The following ZNF654 variants were observed in gnomAD, a reference collection of about 807,000 sequenced individuals.
The protein encoded by ZNF654 is melanoma-associated antigen.
In ZNF654, 19 loss-of-function variants were observed where a neutral mutation model predicts 95.3. The ratio of observed to expected loss-of-function variants is 0.20; its 90% CI spans 0.14 to 0.29. The LOEUF is 0.29. Ranked by LOEUF, ZNF654 falls within the 10% of genes least tolerant of loss-of-function variation. The pLI is 1.00. For synonymous variants in ZNF654, 413 were observed against 457.9 expected (o/e 0.90, Z 1.25); for missense variants, 1,046 against 1,341.0 (o/e 0.78, Z 3.44).
rs779489648 is a variant in ZNF654, at chr3:88,139,723, C to G, written c.2054C>G (p.Ser685Cys). ...ATTGAAAATGGCAGTCCTAATAATT[C>G]TTTAAATAATGTTTTCAAGCCTTTA... is the stretch of plus-strand genomic sequence containing the variant. The part of the protein sequence containing the change: ...NVIENGSPNN[S>C]LNNVFKPLTE... Residue 685 changes from serine to cysteine, a missense_variant, in exon 8 of 9, where the codon TCT becomes TGT. This residue lies in a region of ZNF654 where 495 missense variants were observed against 537.0 expected (regional missense o/e 0.92). Coordinates refer to ENST00000636215, the MANE Select transcript of ZNF654 (RefSeq NM_001350134.2). The G allele has an allele frequency of 2.6e-6, 4 of 1,561,848 alleles. No homozygotes were observed. Among genetic ancestry groups the G allele is most frequent in the East Asian group, 4.8e-5 (2 of 42,032 alleles).
chr3:88,130,444 T>G (rs896477178), intron 6 of ZNF654, among the ~76,000 whole-genome samples: 2 of 152,000 alleles, frequency 1.3e-5, no homozygotes, highest in Non-Finnish European at 2.9e-5. Flanking sequence ...TTCTTGGTTA[T>G]TTTTTGTTTT....
chr3:88,097,463 A>G (rs2107701974), intron 2 of ZNF654, among the ~76,000 whole-genome samples: 1 of 152,244 alleles, frequency 6.6e-6, no homozygotes, highest in East Asian at 1.9e-4. Flanking sequence ...ACTTGAACTC[A>G]GCTCTGCACC....
chr3:88,123,011 C>CAA (rs1289535548), intron 3 of ZNF654, among the ~76,000 whole-genome samples: 78 of 76,118 alleles, frequency 1.0e-3, no homozygotes, highest in African/African-American at 3.1e-3. Flanking sequence ...CTCTGAGTCT[C>CAA]AAAAAAAAAA....
intron 2 of ZNF654, among the ~76,000 whole-genome samples, chr3:88,109,379 A>G (rs1207430469): frequency 2.0e-5 from 3 of 152,114 alleles, no homozygotes; most frequent in Admixed American, 2.0e-4. Flanking sequence ...AGTTCTTAAA[A>G]GTTGAGTGTT....
rs149384889 is a variant in ZNF654 at position 88,081,427 on chromosome 3, G to A, written c.187-4830G>A. On this transcript the variant is annotated intron_variant, in intron 1 of 8. Transcript: ENST00000636215. ...CAAATTTTCACTCACTATTAGCATC[G>A]ATGCATGGATGTTGTCTGCAACATT... 4.1e-4 allele frequency among the ~76,000 whole-genome samples: 62 copies of A among 152,140 alleles called. No homozygotes were observed. The East Asian group carries it at 0.011, about 26-fold the overall frequency.
chr3:88,128,630 C>A (rs7621357), intron 4 of ZNF654, among the ~76,000 whole-genome samples, 179 bp from the exon 5 acceptor site: 142,915 of 152,126 alleles, frequency 0.94, 67,671 homozygotes, highest in Non-Finnish European at 1. Context: ...TGTCACTCTT[C>A]TTTTCCTTTT....
At chr3:88,114,834 C>G (rs530026642) in intron 3 of ZNF654, among the ~76,000 whole-genome samples, 1 of 152,278 alleles carries the variant, frequency 6.6e-6, no homozygotes, top group South Asian at 2.1e-4. Context: ...CTCCCTAAAA[C>G]CTTGTATTTT....
At position 88,102,976 on chromosome 3, in the gene ZNF654, C is replaced by T. The variant is rs1206143602; in HGVS notation, c.333-10139C>T. Reference sequence around the variant, plus strand: ...CTAACCACTAGATAGTTTTTAAATCCTACCCTCTGCCCCACTAGTAGTCTC... The same window carrying T: ...CTAACCACTAGATAGTTTTTAAATCTTACCCTCTGCCCCACTAGTAGTCTC... On this transcript the variant is annotated intron_variant, in intron 2 of 8. Transcript: ENST00000636215. Among the ~76,000 whole-genome samples, 3 of 151,992 alleles carry T rather than the reference C, an allele frequency of 2.0e-5. 1 individual carries two copies. Among genetic ancestry groups the T allele is most frequent in the East Asian group, 3.9e-4 (2 of 5,184 alleles).
chr3:88,099,745 T>C (rs1389504247), intron 2 of ZNF654, among the ~76,000 whole-genome samples: 1 of 152,172 alleles, frequency 6.6e-6, no homozygotes, highest in Non-Finnish European at 1.5e-5. Context: ...ATTTAATAAA[T>C]GGTGCCAGGA....
Position 88,128,868 on chromosome 3 carries a change from A to G in ZNF654, c.610A>G (p.Ile204Val), listed in dbSNP as rs1246925251. 6.5e-7 allele frequency: 1 copy of G among 1,535,530 alleles called. No individual in the cohort carries two copies. The highest frequency in any genetic ancestry group is 1.4e-5 in the African/African-American group (1 of 73,006). Residue 204 changes from isoleucine (I) to valine (V), a missense_variant, in exon 5 of 9, where the codon ATT (isoleucine) becomes GTT (valine). Around this residue, in one of 9 missense-constraint regions of ZNF654, gnomAD observed 91 missense variants for 190.5 expected, o/e 0.48. Coordinates refer to ENST00000636215, the MANE Select transcript of ZNF654 (RefSeq NM_001350134.2). ...LFFELRARYL[I>V]ACERIPEAMA... Reference sequence around the variant, plus strand: ...CTTTGAACTACGTGCCAGATACCTAATTGCTTGTGAACGCATACCCGAAGC... The same window carrying G: ...CTTTGAACTACGTGCCAGATACCTAGTTGCTTGTGAACGCATACCCGAAGC...
chr3:88,063,060 G>C (rs1706977628), intron 1 of ZNF654, among the ~76,000 whole-genome samples: 1 of 152,134 alleles, frequency 6.6e-6, no homozygotes, highest in Non-Finnish European at 1.5e-5. Flanking sequence ...ACTGTGGCGG[G>C]GTTCTCAGAG....
intron 2 of ZNF654, among the ~76,000 whole-genome samples, chr3:88,102,972 A>G (rs1704519287): frequency 6.6e-6 from 1 of 151,934 alleles, no homozygotes; most frequent in African/African-American, 2.4e-5. Flanking sequence ...ATAGTTTTTA[A>G]ATCCTACCCT....
At chr3:88,088,014 A>G (rs1708427558) in intron 2 of ZNF654, among the ~76,000 whole-genome samples, 1 of 152,232 alleles carries the variant, frequency 6.6e-6, no homozygotes, top group South Asian at 2.1e-4. Context: ...ATAAATACAA[A>G]TACTACAAAA....
chr3:88,139,985 A>C lies in ZNF654; in HGVS notation c.2316A>C (p.Pro772=), dbSNP rs1707020788. 1 of 1,613,804 alleles carries C rather than the reference A, an allele frequency of 6.2e-7. No homozygotes were observed. Among genetic ancestry groups the C allele is most frequent in the East Asian group, 2.2e-5 (1 of 44,874 alleles). The change falls in exon 8 of 9, where the codon CCA becomes CCC. Residue 772 remains proline, a synonymous_variant. Transcript: ENST00000636215. ...ATAAACATGCAATGACCGTACATCC[A>C]ACCGATTTAAATGTGCGACAAACAG... ...FLNKHAMTVH[P]TDLNVRQTVM... is the part of the protein sequence containing the mutation.
intron 1 of ZNF654, among the ~76,000 whole-genome samples, chr3:88,077,810 G>C (rs184653318): frequency 2.5e-3 from 388 of 152,220 alleles, no homozygotes; most frequent in African/African-American, 9.1e-3. Flanking sequence ...GTTATTTACT[G>C]TGTGTTTAAT....
In ZNF654 at chr3:88,129,721, A is replaced by G. The variant is rs755012348; in HGVS notation, c.788A>G (p.Asp263Gly). 151 of 1,519,516 alleles carry G rather than the reference A, an allele frequency of 9.9e-5. No homozygotes were observed. The highest frequency in any genetic ancestry group is 1.2e-4 in the Non-Finnish European group (136 of 1,136,434). The allele number at this position is 1,519,516 out of a possible 1,614,324, so 94.1% of individuals were successfully genotyped here. Residue 263 changes from aspartate to glycine, a missense_variant, in exon 6 of 9, where the codon GAT becomes GGT. Transcript: ENST00000636215. The stretch of plus-strand genomic sequence containing the variant: ...AAAACTGATTGTAAGAGTGGAATTG[A>G]TATCATCTGTAATGCTGAAAAAGAA... The part of the protein sequence containing the change: ...LLKTDCKSGI[D>G]IICNAEKEGK...
At position 88,059,311 on chromosome 3, in the gene ZNF654, G is replaced by T. The variant is rs1432164961; in HGVS notation, c.-9G>T. The T allele has an allele frequency of 3.3e-6, 5 of 1,533,210 alleles. No individual in the cohort carries two copies. Among genetic ancestry groups the T allele is most frequent in the South Asian group, 1.2e-5 (1 of 83,924 alleles). The allele number at this position is 1,533,210 out of a possible 1,614,324, so 95.0% of individuals were successfully genotyped here. Reference sequence around the variant, plus strand: ...CAGGGGCTGGTACGCGCTGGGCGGCGAGAGCCTCATGGCGGAGGAAGAGAG... The same window carrying T: ...CAGGGGCTGGTACGCGCTGGGCGGCTAGAGCCTCATGGCGGAGGAAGAGAG... On this transcript the variant is annotated 5_prime_UTR_variant, in exon 1 of 9. Coordinates refer to ENST00000636215, the MANE Select transcript of ZNF654 (RefSeq NM_001350134.2).
In ZNF654 at chr3:88,059,599, A is replaced by G. The variant is rs962145109; in HGVS notation, c.186+94A>G. Reference sequence around the variant, plus strand: ...TCGTCCATGAATCTGGTCTATGTCCAGTGCCCGCTCCTCCCCAACAAGGAG... The same window carrying G: ...TCGTCCATGAATCTGGTCTATGTCCGGTGCCCGCTCCTCCCCAACAAGGAG... On this transcript the variant is annotated intron_variant, in intron 1 of 8. Transcript: ENST00000636215. The G allele has an allele frequency of 6.4e-6, 9 of 1,412,860 alleles. No homozygotes were observed. In the African/African-American group the frequency reaches 1.2e-4, roughly 19 times the overall value. 87.5% of individuals were successfully genotyped at this position (1,412,860 alleles called of 1,614,324 possible).
chr3:88,059,534 G>T, intron 1 of ZNF654, 29 bp downstream of exon 1: 1 of 1,458,350 alleles, frequency 6.9e-7, no homozygotes, highest in Non-Finnish European at 9.0e-7. Context: ...GCCCCGACTT[G>T]TCACCCGGGT....
Sources: gnomAD v4.1 joint callset for allele counts (sites outside exome capture counted in the v4.1 genomes callset) on GRCh38, gnomAD v4.1.1 for gene constraint, gnomAD v4.1.1 regional missense constraint, MANE v1.5 for transcripts, NCBI Gene and HGNC (gene_info 2026-07-23, HGNC 2026-07-21) for gene names.